Variants in ETS1 observed in about 807,000 individuals in gnomAD.
ETS1 encodes protein C-ets-1.
ETS1 carries 15 observed loss-of-function variants against 58.6 expected under a neutral mutation model. That is an observed-to-expected ratio of 0.26 (90% CI 0.17 to 0.39). The LOEUF (loss-of-function observed/expected upper bound fraction) is 0.39, where lower values mean the gene tolerates loss of function less well. Ranked by LOEUF, ETS1 falls within the 10% of genes least tolerant of loss-of-function variation. The probability of loss-of-function intolerance (pLI) is 1.00; values close to 1 mark genes in which losing one functional copy is unlikely to be tolerated. For synonymous variants in ETS1, 214 were observed against 218.2 expected (o/e 0.98, Z 0.17); for missense variants, 417 against 610.5 (o/e 0.68, Z 3.34).
intron 3 of ETS1, among the ~76,000 whole-genome samples, chr11:128,515,205 G>C (rs934465691): frequency 6.6e-6 from 1 of 151,988 alleles, no homozygotes; most frequent in African/African-American, 2.4e-5. Flanking sequence ...CTTCACTTGT[G>C]TAATGAAGAC....
At chr11:128,501,469 A>G (rs1863087229) in intron 3 of ETS1, among the ~76,000 whole-genome samples, 1 of 152,204 alleles carries the variant, frequency 6.6e-6, no homozygotes, top group Non-Finnish European at 1.5e-5. Context: ...ACATTTATCC[A>G]TATTAACTTC....
intron 1 of ETS1, among the ~76,000 whole-genome samples, chr11:128,582,875 C>G (rs771904937): frequency 6.6e-6 from 1 of 151,998 alleles, no homozygotes; most frequent in East Asian, 1.9e-4. Context: ...TGTGGACTTA[C>G]GCTTTAGCAA....
At chr11:128,564,262 G>A (rs2156696) in intron 2 of ETS1, among the ~76,000 whole-genome samples, 132,904 of 152,190 alleles carry the variant, frequency 0.87, 58,175 homozygotes, top group African/African-American at 0.91. Context: ...GCAGGAACAG[G>A]CAAAATAGGA....
At chr11:128,534,851 TG>T (rs1489174008) in intron 3 of ETS1, among the ~76,000 whole-genome samples, 1 of 152,210 alleles carries the variant, frequency 6.6e-6, no homozygotes, top group Non-Finnish European at 1.5e-5. Flanking sequence ...GTTGATTTCC[TG>T]TCTTTGCTAT....
At chr11:128,552,381 A>C (rs1351643002) in intron 3 of ETS1, among the ~76,000 whole-genome samples, 1 of 152,228 alleles carries the variant, frequency 6.6e-6, no homozygotes, top group Non-Finnish European at 1.5e-5. Flanking sequence ...TACAAGAAAA[A>C]GTATTGTCTT....
chr11:128,525,821 C>G (rs1863790615), intron 3 of ETS1, among the ~76,000 whole-genome samples: 1 of 152,016 alleles, frequency 6.6e-6, no homozygotes, highest in Admixed American at 6.6e-5. Flanking sequence ...ATGCCTGGCA[C>G]TTCAATATCT....
In ETS1 at chr11:128,490,599, A is replaced by G. The variant is rs1862769695; in HGVS notation, c.215-23T>C. On this transcript the variant is annotated intron_variant, in intron 3 of 9. Transcript: ENST00000392668. ...TATCTGCATGAAAAAATTGCATATG[A>G]ATAACAAAAATTACATAGGTAATGA... The G allele has an allele frequency of 1.9e-6, 3 of 1,592,642 alleles. No individual in the cohort carries two copies. The African/African-American group carries it at 4.0e-5, about 21-fold the overall frequency.
rs1591600939 is a variant in ETS1 at position 128,480,053 on chromosome 11, T to A, written c.1123+138A>T. On this transcript the variant is annotated intron_variant, in intron 8 of 9. Transcript: ENST00000392668. Reference sequence around the variant, plus strand: ...AGTGGCTGGAGAGAGACTAAAGAATTCTTAGAGAGACTTCTCCCCCGTGCC... The same window carrying A: ...AGTGGCTGGAGAGAGACTAAAGAATACTTAGAGAGACTTCTCCCCCGTGCC... 14 of 1,172,224 alleles carry A rather than the reference T, an allele frequency of 1.2e-5. No homozygotes were observed. The East Asian group carries it at 3.6e-4, about 30-fold the overall frequency. 72.6% of individuals were successfully genotyped at this position (1,172,224 alleles called of 1,614,324 possible).
intron 3 of ETS1, among the ~76,000 whole-genome samples, chr11:128,517,285 G>A (rs1339068187): frequency 6.6e-6 from 1 of 152,216 alleles, no homozygotes; most frequent in Non-Finnish European, 1.5e-5. Context: ...TCACCTGCCT[G>A]TGTTCTAATT....
intron 3 of ETS1, among the ~76,000 whole-genome samples, chr11:128,508,060 G>A (rs939856567): frequency 2.0e-5 from 3 of 152,208 alleles, no homozygotes; most frequent in African/African-American, 4.8e-5. Flanking sequence ...ACTCACGTTC[G>A]GTAAGAATGC....
At chr11:128,525,619 G>GAAAAAAAAAAAAAAA (rs10554000) in intron 3 of ETS1, among the ~76,000 whole-genome samples, 1 of 75,816 alleles carries the variant, frequency 1.3e-5, no homozygotes, top group Non-Finnish European at 2.6e-5. Context: ...GTAAGATTTA[G>GAAAAAAAAAAAAAAA]AAAAAAAAAA....
chr11:128,579,885 C>T (rs1293177931), intron 1 of ETS1, among the ~76,000 whole-genome samples: 2 of 152,046 alleles, frequency 1.3e-5, no homozygotes, highest in African/African-American at 4.8e-5. Flanking sequence ...TTCCCCTCCC[C>T]CCTACCCTCT....
chr11:128,552,976 G>C (rs530017328), intron 3 of ETS1, among the ~76,000 whole-genome samples: 13 of 152,334 alleles, frequency 8.5e-5, no homozygotes, highest in African/African-American at 2.9e-4. Flanking sequence ...AAAGGGCTGA[G>C]GTTGAGGGAC....
chr11:128,586,786 C>T (rs1001628978), intron 1 of ETS1, among the ~76,000 whole-genome samples: 1 of 152,138 alleles, frequency 6.6e-6, no homozygotes, highest in Non-Finnish European at 1.5e-5. Flanking sequence ...CAAAGTGTCA[C>T]GGCCAGATAA....
At chr11:128,513,002 T>A (rs1272325848) in intron 3 of ETS1, among the ~76,000 whole-genome samples, 3 of 152,210 alleles carry the variant, frequency 2.0e-5, no homozygotes. Flanking sequence ...CAACGGCTCA[T>A]GGAAAAGGGA....
chr11:128,513,246 G>T (rs1463027655), intron 3 of ETS1, among the ~76,000 whole-genome samples: 1 of 152,264 alleles, frequency 6.6e-6, no homozygotes, highest in South Asian at 2.1e-4. Context: ...TTGAATGGCA[G>T]TCTACACTCT....
intron 3 of ETS1, among the ~76,000 whole-genome samples, chr11:128,493,467 T>C (rs1862855746): frequency 6.6e-6 from 1 of 152,216 alleles, no homozygotes; most frequent in Admixed American, 6.5e-5. Flanking sequence ...CCAGTCCACG[T>C]GCTGTTGGGG....
chr11:128,558,383 G>T (rs888055535), intron 2 of ETS1, among the ~76,000 whole-genome samples: 1 of 152,186 alleles, frequency 6.6e-6, no homozygotes, highest in Non-Finnish European at 1.5e-5. Context: ...GGTGGCTCAC[G>T]CCTGTCATCC....
chr11:128,490,741 C>G (rs1028702856), intron 3 of ETS1, among the ~76,000 whole-genome samples, 165 bp from the exon 4 acceptor site: 1 of 119,250 alleles, frequency 8.4e-6, no homozygotes, highest in East Asian at 2.3e-4. Context: ...TTTTTTGAGA[C>G]GGAGTCTTGC....
Sources: allele counts gnomAD v4.1 joint callset (sites outside exome capture counted in the v4.1 genomes callset), GRCh38; gene constraint gnomAD v4.1.1; transcripts MANE v1.5; gene names NCBI Gene and HGNC (gene_info 2026-07-23, HGNC 2026-07-21).